Variants in EGFLAM observed in about 807,000 individuals in gnomAD.
The protein encoded by EGFLAM is pikachurin.
Under a neutral mutation model 113.1 loss-of-function variants are expected in EGFLAM, and 79 were observed. That is an observed-to-expected ratio of 0.70 (90% CI 0.58 to 0.84). EGFLAM has a LOEUF of 0.84. EGFLAM is among the 40% of genes least tolerant of loss of function. The pLI is 0.00. For missense variants in EGFLAM, 1,265 were observed against 1,291.6 expected, an observed-to-expected ratio of 0.98 and a Z score of 0.32; for synonymous variants, 504 against 487.6, an observed-to-expected ratio of 1.03 and a Z score of -0.44.
At chr5:38,457,418 C>T (rs771850981) in intron 19 of EGFLAM, among the ~76,000 whole-genome samples, 16 of 152,156 alleles carry the variant, frequency 1.1e-4, no homozygotes, top group Non-Finnish European at 2.2e-4. Flanking sequence ...GCCTGTCCCC[C>T]AGGTTCTGGT....
chr5:38,442,407 A>G (rs779120649), intron 17 of EGFLAM, among the ~76,000 whole-genome samples: 1 of 147,948 alleles, frequency 6.8e-6, no homozygotes, highest in Non-Finnish European at 1.5e-5. Flanking sequence ...ATTTTAATAT[A>G]TTAATTATTT....
chr5:38,327,850 C>T (rs1355651131), intron 1 of EGFLAM, among the ~76,000 whole-genome samples: 2 of 152,138 alleles, frequency 1.3e-5, no homozygotes, highest in Admixed American at 6.5e-5. Flanking sequence ...TGTTCTTTTT[C>T]TGCTCCAGGG....
At chr5:38,271,954 A>C (rs1215870336) in intron 1 of EGFLAM, among the ~76,000 whole-genome samples, 1 of 152,238 alleles carries the variant, frequency 6.6e-6, no homozygotes, top group Non-Finnish European at 1.5e-5. Flanking sequence ...ATTTGATCCT[A>C]TTCCAAGCTT....
intron 6 of EGFLAM, among the ~76,000 whole-genome samples, chr5:38,392,206 G>A (rs558345080): frequency 6.6e-6 from 1 of 152,258 alleles, no homozygotes; most frequent in Admixed American, 6.5e-5. Context: ...AGAACATGAA[G>A]TATTTGGTTT....
At chr5:38,285,958 C>A (rs1478780425) in intron 1 of EGFLAM, 4 of 152,168 alleles carry the variant, frequency 2.6e-5, no homozygotes, top group Admixed American at 6.5e-5. Flanking sequence ...AACCATATCA[C>A]TTAGGTAGAC....
intron 6 of EGFLAM, among the ~76,000 whole-genome samples, chr5:38,400,217 A>G (rs1186377635): frequency 6.6e-6 from 1 of 152,200 alleles, no homozygotes; most frequent in Non-Finnish European, 1.5e-5. Flanking sequence ...CATCATGTTG[A>G]TATAGCTGAG....
chr5:38,278,012 C>T (rs1757926503), intron 1 of EGFLAM, among the ~76,000 whole-genome samples: 1 of 147,784 alleles, frequency 6.8e-6, no homozygotes, highest in Non-Finnish European at 1.5e-5. Context: ...ATACCAATGA[C>T]ATTCTTCACA....
At chr5:38,348,974 T>C (rs1453984214) in intron 3 of EGFLAM, among the ~76,000 whole-genome samples, 1 of 152,092 alleles carries the variant, frequency 6.6e-6, no homozygotes, top group East Asian at 1.9e-4. Context: ...TGGTCTGGAG[T>C]GGAGTTCGGG....
intron 1 of EGFLAM, among the ~76,000 whole-genome samples, chr5:38,302,923 A>G (rs931486913): frequency 2.6e-5 from 4 of 152,150 alleles, no homozygotes; most frequent in Admixed American, 2.6e-4. Context: ...ACTCCTGGCT[A>G]TCCTCATGCC....
Position 38,400,789 on chromosome 5 carries a change from C to T in EGFLAM, c.713-5337C>T, listed in dbSNP as rs116663043. ...GCAGCAGGAGCCCAGAATTCTAGAT[C>T]AACTCTGCCACTAATGAGCTGCTTC... On this transcript the variant is annotated intron_variant, in intron 6 of 21. Coordinates refer to ENST00000322350, the MANE Select transcript of EGFLAM (RefSeq NM_152403.4). 3.7e-3 allele frequency among the ~76,000 whole-genome samples: 568 copies of T among 152,262 alleles called. 2 individuals are homozygous for T. The highest frequency in any genetic ancestry group is 0.013 in the African/African-American group (537 of 41,538).
At chr5:38,368,165 C>A (rs988597500) in intron 5 of EGFLAM, among the ~76,000 whole-genome samples, 2 of 152,102 alleles carry the variant, frequency 1.3e-5, no homozygotes, top group African/African-American at 4.8e-5. Context: ...ATCTAAAGAT[C>A]ACATCTTTTC....
chr5:38,364,902 T>C (rs1740020372), intron 5 of EGFLAM, among the ~76,000 whole-genome samples: 2 of 152,142 alleles, frequency 1.3e-5, no homozygotes. Flanking sequence ...CCCAGCGTCC[T>C]CCAGAAAGCA....
At chr5:38,334,173 C>T (rs902230786) in intron 1 of EGFLAM, among the ~76,000 whole-genome samples, 2 of 152,150 alleles carry the variant, frequency 1.3e-5, no homozygotes, top group Non-Finnish European at 2.9e-5. Flanking sequence ...ATCCACCTGC[C>T]TTGACCTCCC....
intron 14 of EGFLAM, among the ~76,000 whole-genome samples, chr5:38,429,727 G>T (rs1025652301): frequency 6.6e-6 from 1 of 151,962 alleles, no homozygotes; most frequent in Non-Finnish European, 1.5e-5. Flanking sequence ...CAAACATATA[G>T]AAAAATTGGA....
At position 38,463,895 on chromosome 5, in the gene EGFLAM, T is replaced by C. The variant is rs1416105788; in HGVS notation, c.2939T>C (p.Ile980Thr). 3 of 1,614,202 alleles carry C rather than the reference T, an allele frequency of 1.9e-6. No individual in the cohort carries two copies. In the African/African-American group the frequency reaches 4.0e-5, roughly 22 times the overall value. ...RQYMRGLVGC[I>T]SHFTLSTDYH... ...TATATGAGAGGGCTCGTGGGCTGTATCTCTCACTTCACCCTGTCCACCGAT... is the reference window on the plus strand; with the variant it reads ...TATATGAGAGGGCTCGTGGGCTGTACCTCTCACTTCACCCTGTCCACCGAT... The change falls in exon 22 of 22, where the codon ATC becomes ACC. Residue 980 changes from isoleucine (I) to threonine (T), a missense_variant. By Grantham distance (89) the Ile-to-Thr change is moderately conservative. Coordinates refer to ENST00000322350, the MANE Select transcript of EGFLAM (RefSeq NM_152403.4).
intron 20 of EGFLAM, among the ~76,000 whole-genome samples, chr5:38,459,015 C>T (rs957916237): frequency 2.0e-5 from 3 of 151,730 alleles, no homozygotes; most frequent in Admixed American, 1.3e-4. Flanking sequence ...ACAGGCAATC[C>T]TCCCCCCTCC....
intron 12 of EGFLAM, among the ~76,000 whole-genome samples, chr5:38,421,387 C>T (rs938366001): frequency 2.0e-5 from 3 of 152,204 alleles, no homozygotes; most frequent in Admixed American, 2.0e-4. Flanking sequence ...ATGCCAATCC[C>T]ATCTTGGATA....
rs1191839089 is a variant in EGFLAM, at chr5:38,380,971, T to G, written c.712+10509T>G. ...GAACTCACGATGCTCTGATTTCAAC[T>G]GGAGCATCTGCTCAGTCGGTCGGCT... On this transcript the variant is annotated intron_variant, in intron 6 of 21. Transcript: ENST00000322350. Among the ~76,000 whole-genome samples the G allele has an allele frequency of 2.6e-5, 4 of 152,238 alleles. 1 individual carries two copies. Among genetic ancestry groups the G allele is most frequent in the Admixed American group, 2.6e-4 (4 of 15,286 alleles).
chr5:38,302,524 G>A (rs1343537705), intron 1 of EGFLAM, among the ~76,000 whole-genome samples: 1 of 152,032 alleles, frequency 6.6e-6, no homozygotes, highest in Non-Finnish European at 1.5e-5. Context: ...TATAAATTTT[G>A]ACATGAAACA....
Sources: gnomAD v4.1 joint callset for allele counts (sites outside exome capture counted in the v4.1 genomes callset) on GRCh38, gnomAD v4.1.1 for gene constraint, MANE v1.5 for transcripts, NCBI Gene and HGNC (gene_info 2026-07-23, HGNC 2026-07-21) for gene names.